Variants in COQ4 observed in about 807,000 individuals in gnomAD.
The protein encoded by COQ4 is ubiquinone biosynthesis protein COQ4 homolog, mitochondrial.
COQ4 carries 36 observed loss-of-function variants against 30.2 expected under a neutral mutation model. The ratio of observed to expected loss-of-function variants is 1.19; its 90% confidence interval spans 0.91 to 1.57. The LOEUF (loss-of-function observed/expected upper bound fraction) is 1.57. Ranked by LOEUF, COQ4 falls within the 40% of genes most tolerant of loss-of-function variation. The pLI, the probability that COQ4 is intolerant of heterozygous loss-of-function variation, is 0.00. For synonymous variants in COQ4, 197 were observed against 161.0 expected, an observed-to-expected ratio of 1.22 and a Z score of -1.69; for missense variants, 369 against 371.9, an observed-to-expected ratio of 0.99 and a Z score of 0.07.
rs1404191937 is a variant in COQ4, at chr9:128,332,482, A to G, written c.532+200A>G. The G allele has an allele frequency of 4.8e-6, 3 of 622,570 alleles. No homozygotes were observed. The East Asian group carries it at 8.4e-5, about 17-fold the overall frequency. 38.6% of individuals were successfully genotyped at this position (622,570 alleles called of 1,614,324 possible). ...CTCAGGGCTCCTGCACTAATGGAGC[A>G]GCAGAGCCCATCTTCAAGGCTCCTG... On this transcript the variant is annotated intron_variant, in intron 5 of 6. Coordinates refer to ENST00000300452, the MANE Select transcript of COQ4 (RefSeq NM_016035.5).
chr9:128,331,735 G>GT (rs61027120), intron 4 of COQ4: 13,853 of 151,028 alleles, frequency 0.092, 965 homozygotes, highest in East Asian at 0.19. Flanking sequence ...TTTGTTCTGG[G>GT]TTTTTTTTTT....
chr9:128,332,058 G>C (rs1273314371), intron 4 of COQ4, 95 bp from the exon 5 acceptor site: 1 of 1,419,738 alleles, frequency 7.0e-7, no homozygotes, highest in Non-Finnish European at 9.6e-7. Flanking sequence ...GTAGGTATGA[G>C]TTAGGTGAGA....
intron 4 of COQ4, chr9:128,331,848 C>T (rs1471528393): frequency 5.3e-6 from 1 of 189,842 alleles, no homozygotes; most frequent in East Asian, 1.4e-4. Context: ...CTGTCTCAGC[C>T]TCCCGAGTAG....
intron 3 of COQ4, 89 bp from the exon 4 acceptor site, chr9:128,325,690 G>C: frequency 2.0e-6 from 2 of 1,014,206 alleles, no homozygotes; most frequent in Non-Finnish European, 1.5e-6. Flanking sequence ...TTGCTCCTCT[G>C]TACATTCTCC....
chr9:128,328,039 AG>A (rs1832350027), intron 4 of COQ4, among the ~76,000 whole-genome samples: 1 of 152,204 alleles, frequency 6.6e-6, no homozygotes, highest in Non-Finnish European at 1.5e-5. Context: ...TGGAGAGCTG[AG>A]GAGGAGCATT....
chr9:128,326,457 CT>C (rs111519494), intron 4 of COQ4: 68 of 148,222 alleles, frequency 4.6e-4, no homozygotes, highest in Non-Finnish European at 6.1e-4. Context: ...TGTGCCATCC[CT>C]TTTTTTTTTT....
intron 5 of COQ4, 80 bp downstream of exon 5, chr9:128,332,362 C>A: frequency 6.7e-7 from 1 of 1,486,696 alleles, no homozygotes; most frequent in Non-Finnish European, 9.2e-7. Flanking sequence ...CTCCACCACC[C>A]TCTGCATCAC....
rs1413659886 is a variant in COQ4 at position 128,323,084 on chromosome 9, C to G, written c.139C>G (p.Leu47Val). The G allele has an allele frequency of 3.7e-6, 6 of 1,612,032 alleles. No individual in the cohort carries two copies. The highest frequency in any genetic ancestry group is 5.1e-6 in the Non-Finnish European group (6 of 1,179,778). Residue 47 changes from leucine to valine, a missense_variant, in exon 2 of 7, where the codon CTG becomes GTG. Transcript: ENST00000300452. ...LYSHHLPTSP[L>V]QKGLLAAGSA... is the part of the protein sequence containing the mutation. ...CTCGCACCACCTCCCCACCTCCCCG[C>G]TGCAGAAAGGGCTGTTGGCCGCCGG...
intron 6 of COQ4, 152 bp from the exon 7 acceptor site, chr9:128,333,322 T>C: frequency 3.1e-6 from 2 of 652,616 alleles, no homozygotes; most frequent in East Asian, 5.6e-5. Flanking sequence ...TCCACCTCAC[T>C]GAGCTCTGTT....
chr9:128,325,250 G>GGCAGAGCTGGGA lies in COQ4; in HGVS notation c.299+11_299+12insGCAGAGCTGGGA. On this transcript the variant is annotated intron_variant, in intron 3 of 6. Transcript: ENST00000300452. ...TGCCCAGATCCTGCAGTAGGTCCCA[G>GGCAGAGCTGGGA]CTCTGCCTGGGGGTCTGGGGGCATT... 1 of 1,594,608 alleles carries GGCAGAGCTGGGA rather than the reference G, an allele frequency of 6.3e-7. No individual in the cohort carries two copies. Among genetic ancestry groups the GGCAGAGCTGGGA allele is most frequent in the Non-Finnish European group, 8.6e-7 (1 of 1,163,308 alleles).
chr9:128,325,033 A>G (rs1832293505), intron 2 of COQ4, 110 bp from the exon 3 acceptor site: 4 of 704,192 alleles, frequency 5.7e-6, no homozygotes, highest in Non-Finnish European at 9.8e-6. Context: ...CTTATAACAA[A>G]GAGCTAGACA....
At chr9:128,329,310 C>A (rs1050877685) in intron 4 of COQ4, among the ~76,000 whole-genome samples, 1 of 152,182 alleles carries the variant, frequency 6.6e-6, no homozygotes, top group African/African-American at 2.4e-5. Flanking sequence ...AATGCTGACT[C>A]GGCCACTTTA....
intron 5 of COQ4, 135 bp from the exon 6 acceptor site, chr9:128,332,715 G>T (rs987158227): frequency 2.9e-5 from 22 of 750,876 alleles, no homozygotes; most frequent in Non-Finnish European, 4.0e-5. Context: ...CCAGGGCCCA[G>T]CACAGGCCAG....
rs769828789 is a variant in COQ4, at chr9:128,322,900, G to T, written c.42G>T (p.Gly14=). 5.3e-5 allele frequency: 84 copies of T among 1,594,650 alleles called. 1 individual carries two copies. The East Asian group carries it at 1.9e-3, about 35-fold the overall frequency. ...LLRPVLRRLC[G]LPGLQRPAAE... Reference sequence around the variant, plus strand: ...GCCCTGTCCTCCGTCGGCTCTGCGGGCTCCCGGGCCTACAGCGGCCTGCGG... The same window carrying T: ...GCCCTGTCCTCCGTCGGCTCTGCGGTCTCCCGGGCCTACAGCGGCCTGCGG... The change falls in exon 1 of 7, where the codon GGG becomes GGT. Residue 14 remains glycine, a synonymous_variant. Coordinates refer to ENST00000300452, the MANE Select transcript of COQ4 (RefSeq NM_016035.5).
Position 128,333,637 on chromosome 9 carries a change from T to C in COQ4, c.790T>C (p.Leu264=). Reference sequence around the variant, plus strand: ...AGCACCACCCATGCACGTCCAGGGCTTGGCCTGAGCTCCTGAGCCAGCGGG... The same window carrying C: ...AGCACCACCCATGCACGTCCAGGGCCTGGCCTGAGCTCCTGAGCCAGCGGG... The part of the protein sequence containing the change: ...ITAPPMHVQG[L]A The change falls in exon 7 of 7, where the codon TTG becomes CTG. Residue 264 remains leucine (L), a synonymous_variant. Transcript: ENST00000300452. 6.4e-7 allele frequency: 1 copy of C among 1,557,736 alleles called. No individual in the cohort carries two copies. Among genetic ancestry groups the C allele is most frequent in the Non-Finnish European group, 8.6e-7 (1 of 1,157,298 alleles).
At chr9:128,325,703 C>A in intron 3 of COQ4, 76 bp from the exon 4 acceptor site, 1 of 1,131,320 alleles carries the variant, frequency 8.8e-7, no homozygotes, top group Non-Finnish European at 1.3e-6. Context: ...CATTCTCCCG[C>A]CCCTCAGCTC....
intron 6 of COQ4, 150 bp downstream of exon 6, chr9:128,333,093 C>T (rs1832442459): frequency 1.4e-6 from 1 of 689,678 alleles, no homozygotes; most frequent in South Asian, 1.7e-5. Context: ...AAGAATGGAG[C>T]AGAGATGTGA....
chr9:128,327,728 CAGGAGGTCGAGGGCGGTG>C (rs1193071102), intron 4 of COQ4, among the ~76,000 whole-genome samples: 1 of 151,980 alleles, frequency 6.6e-6, no homozygotes, highest in Non-Finnish European at 1.5e-5. Context: ...CAGTTGAGCC[CAGGAGGTCGAGGGCGGTG>C]AGCCGTAATC....
At chr9:128,323,965 C>T (rs1323487406) in intron 2 of COQ4, among the ~76,000 whole-genome samples, 1 of 152,114 alleles carries the variant, frequency 6.6e-6, no homozygotes, top group Non-Finnish European at 1.5e-5. Context: ...TACACTATAT[C>T]TCCATGTCCC....
Sources: gnomAD v4.1 joint callset for allele counts (sites outside exome capture counted in the v4.1 genomes callset) on GRCh38, gnomAD v4.1.1 for gene constraint, MANE v1.5 for transcripts, NCBI Gene and HGNC (gene_info 2026-07-23, HGNC 2026-07-21) for gene names.